Variants in MAPK11 observed in about 807,000 individuals in gnomAD.
MAPK11 encodes the protein MAP kinase 11.
MAPK11 carries 44 observed loss-of-function variants against 52.2 expected under a neutral mutation model. That is an observed-to-expected ratio of 0.84 (90% CI 0.66 to 1.08). MAPK11 has a LOEUF of 1.08. MAPK11 is among the 50% of genes least tolerant of loss of function. The probability of loss-of-function intolerance (pLI) is 0.00; values close to 1 mark genes in which losing one functional copy is unlikely to be tolerated. For missense variants in MAPK11, 436 were observed against 494.7 expected, an observed-to-expected ratio of 0.88 and a Z score of 1.13; for synonymous variants, 233 against 206.3, an observed-to-expected ratio of 1.13 and a Z score of -1.11.
intron 1 of MAPK11, among the ~76,000 whole-genome samples, chr22:50,268,759 C>A (rs1415536552): frequency 6.6e-6 from 1 of 152,226 alleles, no homozygotes. Context: ...TGTCTCAGAG[C>A]AAGTGGAGGC....
chr22:50,268,726 C>T (rs1428429510), intron 1 of MAPK11, among the ~76,000 whole-genome samples: 4 of 152,200 alleles, frequency 2.6e-5, no homozygotes, highest in Non-Finnish European at 5.9e-5. Flanking sequence ...TTCTCTCCCT[C>T]CCACTTCTGT....
At chr22:50,269,836 A>T (rs955549286) in intron 1 of MAPK11, among the ~76,000 whole-genome samples, 1 of 152,242 alleles carries the variant, frequency 6.6e-6, no homozygotes, top group East Asian at 1.9e-4. Flanking sequence ...GTGGGTGCTC[A>T]GACGTTTAGG....
intron 11 of MAPK11, 80 bp downstream of exon 11, chr22:50,265,241 A>G (rs985952854): frequency 3.5e-5 from 55 of 1,556,490 alleles, no homozygotes; most frequent in Non-Finnish European, 3.8e-5. Flanking sequence ...CAGTCTGGAG[A>G]GGAACTGGGG....
intron 1 of MAPK11, among the ~76,000 whole-genome samples, chr22:50,269,711 A>G (rs13053253): frequency 0.22 from 34,054 of 152,058 alleles, 4,090 homozygotes; most frequent in Middle Eastern, 0.37. Context: ...AGGGGGAGAG[A>G]TCTTGGCTTC....
In MAPK11 at chr22:50,270,365, G is replaced by A; in HGVS notation, c.-73C>T. ...CCCGCGCCCGAGCCGAGCCCGAGCCGAGCGGAGCGGAGGGCGGCGGAGGCG... is the reference window on the plus strand; with the variant it reads ...CCCGCGCCCGAGCCGAGCCCGAGCCAAGCGGAGCGGAGGGCGGCGGAGGCG... On this transcript the variant is annotated 5_prime_UTR_variant, in exon 1 of 12. Coordinates refer to ENST00000330651, the MANE Select transcript of MAPK11 (RefSeq NM_002751.7). This position sits in a 1 kb window ranked among gnomAD's most constrained non-coding sequence, Gnocchi z 6.3. The A allele has an allele frequency of 2.2e-6, 1 of 456,886 alleles. No homozygotes were observed. Among genetic ancestry groups the A allele is most frequent in the Non-Finnish European group, 2.9e-6 (1 of 345,272 alleles). 28.3% of individuals were successfully genotyped at this position (456,886 alleles called of 1,614,324 possible).
At chr22:50,269,068 C>G (rs915389953) in intron 1 of MAPK11, among the ~76,000 whole-genome samples, 5 of 152,110 alleles carry the variant, frequency 3.3e-5, no homozygotes, top group Admixed American at 1.3e-4. Flanking sequence ...CTCAGAGAAC[C>G]GGACACCTCT....
In MAPK11 at chr22:50,266,998, A is replaced by T. The variant is rs202165975; in HGVS notation, c.546T>A (p.Tyr182Ter). ...ARQADEEMTG[Y>*]VATRWYRAPE... ...GTGCCCGGTACCAGCGCGTGGCCAC[A>T]TAGCCGGTCATCTCCTCGTCCGCCT... The change falls in exon 7 of 12, where the codon TAT becomes TAA. Residue 182 changes from tyrosine to a stop codon, truncating the protein, a stop_gained. Transcript: ENST00000330651. LOFTEE classifies it high-confidence loss of function. The T allele has an allele frequency of 1.2e-6, 2 of 1,612,688 alleles. No individual in the cohort carries two copies. The highest frequency in any genetic ancestry group is 1.7e-5 in the Admixed American group (1 of 60,026).
rs2065298469 is a variant in MAPK11 at position 50,270,257 on chromosome 22, C to T, written c.36G>A (p.Glu12=). 6.9e-7 allele frequency: 1 copy of T among 1,452,000 alleles called. No individual in the cohort carries two copies. Among genetic ancestry groups the T allele is most frequent in the Non-Finnish European group, 9.1e-7 (1 of 1,101,062 alleles). 89.9% of individuals were successfully genotyped at this position (1,452,000 alleles called of 1,614,324 possible). Residue 12 remains glutamate, a synonymous_variant, in exon 1 of 12, where the codon GAG becomes GAA. Coordinates refer to ENST00000330651, the MANE Select transcript of MAPK11 (RefSeq NM_002751.7). The surrounding 1 kb of genome is among the most constrained non-coding windows in gnomAD (Gnocchi z 6.3). ...SGPRAGFYRQ[E]LNKTVWEVPQ... ...GCACCTCCCACACGGTCTTGTTCAG[C>T]TCCTGCCGGTAGAAGCCGGCGCGAG...
rs775531934 is a variant in MAPK11 at position 50,267,876 on chromosome 22, G to C, written c.190C>G (p.His64Asp). ...AGCTCCCGGTACGTTCTGCGCGCGT[G>C]GATCAGCGACTGGAAGGGGCGCGAC... is the stretch of plus-strand genomic sequence containing the variant. ...KLSRPFQSLI[H>D]ARRTYRELRL... Residue 64 changes from histidine (H) to aspartate (D), a missense_variant, in exon 2 of 12, where the codon CAC becomes GAC. Physicochemically the swap from His to Asp is moderately conservative, Grantham distance 81. Coordinates refer to ENST00000330651, the MANE Select transcript of MAPK11 (RefSeq NM_002751.7). 1 of 1,590,272 alleles carries C rather than the reference G, an allele frequency of 6.3e-7. No homozygotes were observed. The highest frequency in any genetic ancestry group is 1.7e-5 in the Admixed American group (1 of 58,230).
At chr22:50,269,411 T>G (rs925414942) in intron 1 of MAPK11, among the ~76,000 whole-genome samples, 1 of 152,066 alleles carries the variant, frequency 6.6e-6, no homozygotes, top group African/African-American at 2.4e-5. Context: ...GACCCCCCAG[T>G]GGGCAGCAGC....
chr22:50,267,128 C>G lies in MAPK11; in HGVS notation c.494G>C (p.Arg165Thr). 1 of 1,611,994 alleles carries G rather than the reference C, an allele frequency of 6.2e-7. No homozygotes were observed. The highest frequency in any genetic ancestry group is 8.5e-7 in the Non-Finnish European group (1 of 1,179,626). ...CCCACCCCTGCCCACGGGCCTCACC[C>G]TGAGCTCACAGTCCTCGTTCACAGC... ...NVAVNEDCEL[R>T]ILDFGLARQA... The change falls in exon 6 of 12, where the codon AGG becomes ACG. Residue 165 changes from arginine (R) to threonine (T), a missense_variant and splice_region_variant. Arg to Thr is a moderately conservative substitution (Grantham distance 71). Coordinates refer to ENST00000330651, the MANE Select transcript of MAPK11 (RefSeq NM_002751.7).
At position 50,264,755 on chromosome 22, in the gene MAPK11, CAT is replaced by C; in HGVS notation, c.*191_*192del. On this transcript the variant is annotated 3_prime_UTR_variant, in exon 12 of 12. Coordinates refer to ENST00000330651, the MANE Select transcript of MAPK11 (RefSeq NM_002751.7). ...GGACACTTGTGCCCAGACTCCTACA[CAT>C]GGCAAGCACATGTACACACATGTTT... 1 of 561,246 alleles carries C rather than the reference CAT, an allele frequency of 1.8e-6. No individual in the cohort carries two copies. The highest frequency in any genetic ancestry group is 2.9e-5 in the East Asian group (1 of 34,030). The allele number at this position is 561,246 out of a possible 1,614,324, so 34.8% of individuals were successfully genotyped here. A position where few individuals can be genotyped will look rare whatever the true frequency, so the allele number is the denominator to read the frequency against.
chr22:50,267,077 T>A (rs772104614), intron 6 of MAPK11, 29 bp from the exon 7 acceptor site: 1 of 1,611,360 alleles, frequency 6.2e-7, no homozygotes. Context: ...GTTCTCAAGC[T>A]CCGCACGGGC....
rs201541152 is a variant in MAPK11 at position 50,267,239 on chromosome 22, C to T, written c.447+18G>A. The T allele has an allele frequency of 5.0e-5, 81 of 1,608,078 alleles. No homozygotes were observed. The highest frequency in any genetic ancestry group is 6.5e-5 in the Non-Finnish European group (77 of 1,178,756). ...GGAGCCCTGCTGGACCCGACCCTCA[C>T]CCTGCGGTCGCACCTACCCGGTGGA... On this transcript the variant is annotated intron_variant, in intron 5 of 11. Transcript: ENST00000330651.
chr22:50,269,982 A>G (rs1170459348), intron 1 of MAPK11, among the ~76,000 whole-genome samples, 195 bp downstream of exon 1: 3 of 150,712 alleles, frequency 2.0e-5, no homozygotes, highest in East Asian at 2.0e-4. Flanking sequence ...CCCTCCCGGT[A>G]ACGGCGTCTG....
rs2065241899 is a variant in MAPK11 at position 50,263,866 on chromosome 22, A to G, written c.*1082T>C. On this transcript the variant is annotated 3_prime_UTR_variant, in exon 12 of 12. Transcript: ENST00000330651. ...AGGGTCCCGTCTCCGAGGTTACTGG[A>G]TCAGCTCCATCCTGGGACAAGGAAA... The G allele has an allele frequency of 6.6e-6, 1 of 152,320 alleles. No individual in the cohort carries two copies. Among genetic ancestry groups the G allele is most frequent in the Admixed American group, 6.5e-5 (1 of 15,280 alleles). The allele number at this position is 152,320 out of a possible 1,614,324, so 9.4% of individuals were successfully genotyped here.
In MAPK11 at chr22:50,270,188, G is replaced by T; in HGVS notation, c.105C>A (p.Tyr35Ter). 6.8e-7 allele frequency: 1 copy of T among 1,464,534 alleles called. No individual in the cohort carries two copies. Among genetic ancestry groups the T allele is most frequent in the Non-Finnish European group, 9.0e-7 (1 of 1,109,290 alleles). 90.7% of individuals were successfully genotyped at this position (1,464,534 alleles called of 1,614,324 possible). A position where few individuals can be genotyped will look rare whatever the true frequency, so the allele number is the denominator to read the frequency against. ...QGLRPVGSGA[Y>*]GSVCSAYDAR... ...TGCCCCGCCCCTACCAGACGGAGCCGTAGGCGCCGGAGCCCACCGGGCGCA... is the reference window on the plus strand; with the variant it reads ...TGCCCCGCCCCTACCAGACGGAGCCTTAGGCGCCGGAGCCCACCGGGCGCA... Residue 35 changes from tyrosine (Y) to a stop codon, truncating the protein, a stop_gained, in exon 1 of 12, where the codon TAC (tyrosine) becomes TAA (stop). Transcript: ENST00000330651. LOFTEE classifies it high-confidence loss of function. This position sits in a 1 kb window ranked among gnomAD's most constrained non-coding sequence, Gnocchi z 6.3.
Position 50,270,214 on chromosome 22 carries a change from G to GC in MAPK11, c.78dup (p.Leu27AlafsTer137). The GC allele has an allele frequency of 6.7e-7, 1 of 1,502,838 alleles. No homozygotes were observed. The allele number at this position is 1,502,838 out of a possible 1,614,324, so 93.1% of individuals were successfully genotyped here. A position where few individuals can be genotyped will look rare whatever the true frequency, so the allele number is the denominator to read the frequency against. ...TAGGCGCCGGAGCCCACCGGGCGCA[G>GC]CCCCTGCAGCCGCTGCGGCACCTCC... On this transcript the variant is annotated frameshift_variant, in exon 1 of 12. Transcript: ENST00000330651. LOFTEE classifies it high-confidence loss of function. The surrounding 1 kb of genome is among the most constrained non-coding windows in gnomAD (Gnocchi z 6.3).
rs573384992 is a variant in MAPK11 at position 50,267,995 on chromosome 22, G to A, written c.117-46C>T. The A allele has an allele frequency of 1.4e-5, 21 of 1,488,620 alleles. No homozygotes were observed. In the African/African-American group the frequency reaches 2.2e-4, roughly 16 times the overall value. The allele number at this position is 1,488,620 out of a possible 1,614,324, so 92.2% of individuals were successfully genotyped here. On this transcript the variant is annotated intron_variant, in intron 1 of 11. Transcript: ENST00000330651. Reference sequence around the variant, plus strand: ...GCGGCGCCGGGAGGGGTCCGAGGGCGGCCGCACGCGCGTGGACCCGGGCGG... The same window carrying A: ...GCGGCGCCGGGAGGGGTCCGAGGGCAGCCGCACGCGCGTGGACCCGGGCGG...
Sources: allele counts gnomAD v4.1 joint callset (sites outside exome capture counted in the v4.1 genomes callset), GRCh38; gene constraint gnomAD v4.1.1; non-coding constraint Gnocchi (gnomAD v3.1); transcripts MANE v1.5; gene names NCBI Gene and HGNC (gene_info 2026-07-23, HGNC 2026-07-21).